MARCHF1: variants seen among roughly 807,000 people sequenced by gnomAD.
MARCHF1 encodes the protein membrane associated ring-CH-type finger 1, also known as E3 ubiquitin-protein ligase MARCHF1.
A neutral mutation model predicts 54.2 loss-of-function variants in MARCHF1; 40 were observed. That is an observed-to-expected ratio of 0.74 (90% CI 0.57 to 0.96). The LOEUF (loss-of-function observed/expected upper bound fraction) is 0.96, where lower values mean the gene tolerates loss of function less well. MARCHF1 is among the 40% of genes least tolerant of loss of function. The pLI is 0.00. For synonymous variants in MARCHF1, 236 were observed against 236.3 expected (o/e 1.00, Z 0.01); for missense variants, 586 against 656.5 (o/e 0.89, Z 1.17).
chr4:164,379,852 A>T (rs1229655452), intron 1 of MARCHF1, among the ~76,000 whole-genome samples: 2 of 152,032 alleles, frequency 1.3e-5, no homozygotes, highest in Admixed American at 1.3e-4. Flanking sequence ...GCTAGTCAGG[A>T]GGCTGAGGGA....
At chr4:163,556,133 A>ATCAC (rs1242749997) in intron 8 of MARCHF1, among the ~76,000 whole-genome samples, 1 of 152,186 alleles carries the variant, frequency 6.6e-6, no homozygotes, top group Non-Finnish European at 1.5e-5. Flanking sequence ...TTATTAAAGC[A>ATCAC]TCACAATGTA....
intron 1 of MARCHF1, among the ~76,000 whole-genome samples, chr4:164,229,735 A>AG (rs1732363047): frequency 1.3e-5 from 2 of 152,110 alleles, no homozygotes; most frequent in South Asian, 4.1e-4. Context: ...CAGAAGGCGA[A>AG]GGGGGAGTAC....
intron 1 of MARCHF1, among the ~76,000 whole-genome samples, chr4:164,144,561 C>G (rs1006825649): frequency 6.6e-6 from 1 of 151,760 alleles, no homozygotes; most frequent in Admixed American, 6.6e-5. Context: ...CAACCTGCTC[C>G]TGAATGACTA....
chr4:163,537,945 A>G (rs992880717), intron 9 of MARCHF1, among the ~76,000 whole-genome samples: 11 of 152,228 alleles, frequency 7.2e-5, no homozygotes, highest in Non-Finnish European at 1.5e-5. Context: ...CCTCCAGGCC[A>G]TTCCCAAACA....
chr4:163,637,474 C>CA (rs974044258), intron 5 of MARCHF1, among the ~76,000 whole-genome samples: 1 of 152,100 alleles, frequency 6.6e-6, no homozygotes, highest in Non-Finnish European at 1.5e-5. Flanking sequence ...TTTATGCAGC[C>CA]AAAAAACATA....
chr4:163,974,768 T>C (rs1446846788), intron 3 of MARCHF1, among the ~76,000 whole-genome samples: 1 of 152,178 alleles, frequency 6.6e-6, no homozygotes, highest in Admixed American at 6.5e-5. Flanking sequence ...ACGGTGTTTA[T>C]GTGTCAATTT....
At chr4:164,278,699 T>C (rs1733947058) in intron 1 of MARCHF1, among the ~76,000 whole-genome samples, 1 of 152,200 alleles carries the variant, frequency 6.6e-6, no homozygotes. Context: ...TTCCATTTTA[T>C]AGCTGGGGAT....
intron 1 of MARCHF1, among the ~76,000 whole-genome samples, chr4:164,198,221 C>T (rs1162935180): frequency 6.6e-6 from 1 of 151,926 alleles, no homozygotes. Context: ...CTGTAAAAAG[C>T]TAAATCTATC....
intron 2 of MARCHF1, among the ~76,000 whole-genome samples, chr4:164,050,667 G>A (rs868570239): frequency 6.7e-6 from 1 of 150,162 alleles, no homozygotes; most frequent in African/African-American, 2.5e-5. Flanking sequence ...ATTAAAATCT[G>A]CATTTTAATA....
chr4:163,700,961 G>A, intron 4 of MARCHF1, 98 bp from the exon 5 acceptor site: 1 of 782,462 alleles, frequency 1.3e-6, no homozygotes, highest in East Asian at 2.7e-5. Context: ...GGAAATCTGT[G>A]AATGCTCTCT....
chr4:163,937,016 TC>T, intron 3 of MARCHF1, among the ~76,000 whole-genome samples: 1 of 152,274 alleles, frequency 6.6e-6, no homozygotes, highest in African/African-American at 2.4e-5. Context: ...ATGAAATCAC[TC>T]TCACCTTCTC....
At chr4:163,846,128 A>C (rs1419834960) in intron 4 of MARCHF1, among the ~76,000 whole-genome samples, 1 of 152,190 alleles carries the variant, frequency 6.6e-6, no homozygotes, top group Non-Finnish European at 1.5e-5. Flanking sequence ...AGCAATTGGA[A>C]ACAATAACTG....
intron 3 of MARCHF1, among the ~76,000 whole-genome samples, chr4:163,954,303 T>C (rs1362866441): frequency 1.3e-5 from 2 of 152,164 alleles, no homozygotes; most frequent in African/African-American, 4.8e-5. Context: ...AATCCAAATA[T>C]TTATATGTTA....
In MARCHF1 at chr4:163,662,740, T is replaced by C. The variant is rs552507624; in HGVS notation, c.162+38073A>G. 7.9e-5 allele frequency among the ~76,000 whole-genome samples: 12 copies of C among 151,872 alleles called. No homozygotes were observed. In the South Asian group the frequency reaches 2.5e-3, roughly 32 times the overall value. The stretch of plus-strand genomic sequence containing the variant: ...CCTCTAGGGTACTCAGGCCGGATTG[T>C]TTTTGGGAAAATTTTCTCAATTCTG... On this transcript the variant is annotated intron_variant, in intron 5 of 9. Coordinates refer to ENST00000514618, the MANE Select transcript of MARCHF1 (RefSeq NM_001394959.1).
Position 164,007,201 on chromosome 4 carries a change from C to T in MARCHF1, c.-247-18492G>A, listed in dbSNP as rs914561955. Among the ~76,000 whole-genome samples the T allele has an allele frequency of 1.9e-4, 28 of 150,430 alleles. No homozygotes were observed. The South Asian group carries it at 1.9e-3, about 10-fold the overall frequency. On this transcript the variant is annotated intron_variant, in intron 2 of 9. Coordinates refer to ENST00000514618, the MANE Select transcript of MARCHF1 (RefSeq NM_001394959.1). The stretch of plus-strand genomic sequence containing the variant: ...CTCTACTAAAAATACAAAAAATTAG[C>T]CGGGCGTGGTGGCAGGCACCTGTAG...
intron 1 of MARCHF1, among the ~76,000 whole-genome samples, chr4:164,173,804 T>C (rs1157798134): frequency 6.6e-6 from 1 of 152,216 alleles, no homozygotes; most frequent in Non-Finnish European, 1.5e-5. Flanking sequence ...CTGTACAGCC[T>C]GCAGAATCGT....
At chr4:164,142,698 T>G (rs916221206) in intron 1 of MARCHF1, among the ~76,000 whole-genome samples, 6 of 151,938 alleles carry the variant, frequency 3.9e-5, no homozygotes, top group African/African-American at 1.4e-4. Context: ...AGACCAAAAG[T>G]AGATAAAACC....
intron 2 of MARCHF1, among the ~76,000 whole-genome samples, chr4:163,998,640 C>T (rs1313036230): frequency 6.6e-6 from 1 of 151,720 alleles, no homozygotes; most frequent in African/African-American, 2.4e-5. Flanking sequence ...ATCTCCACAA[C>T]TTTACCCTCC....
At chr4:164,270,924 A>G (rs1450387042) in intron 1 of MARCHF1, among the ~76,000 whole-genome samples, 2 of 152,180 alleles carry the variant, frequency 1.3e-5, no homozygotes, top group Non-Finnish European at 2.9e-5. Context: ...CTGAAGAAGT[A>G]GAAAAAGAAA....
Sources: gnomAD v4.1 joint callset for allele counts (sites outside exome capture counted in the v4.1 genomes callset) on GRCh38, gnomAD v4.1.1 for gene constraint, MANE v1.5 for transcripts, NCBI Gene and HGNC (gene_info 2026-07-23, HGNC 2026-07-21) for gene names.